TNRC6C: variants seen among roughly 807,000 people sequenced by gnomAD.
The protein encoded by TNRC6C is trinucleotide repeat-containing gene 6C protein.
A neutral mutation model predicts 153.7 loss-of-function variants in TNRC6C; 20 were observed. That is an observed-to-expected ratio of 0.13 (90% confidence interval 0.09 to 0.19). The LOEUF is 0.19. Among genes scored for constraint, TNRC6C ranks in the 10% least tolerant of loss-of-function variants. The probability of loss-of-function intolerance (pLI) is 1.00; values close to 1 mark genes in which losing one functional copy is unlikely to be tolerated. For missense variants in TNRC6C, 1,987 were observed against 2,172.0 expected (o/e 0.91, Z 1.69); for synonymous variants, 811 against 841.4 (o/e 0.96, Z 0.63).
At chr17:78,074,662 C>T (rs749423550) in intron 7 of TNRC6C, among the ~76,000 whole-genome samples, 6 of 152,170 alleles carry the variant, frequency 3.9e-5, no homozygotes, top group Non-Finnish European at 7.3e-5. Flanking sequence ...ATACAGGACT[C>T]GGTGAATGGA....
rs370632434 is a variant in TNRC6C at position 78,033,650 on chromosome 17, CAA to C, written c.-219+1809_-219+1810del. Among the ~76,000 whole-genome samples, 130 of 147,402 alleles carry C rather than the reference CAA, an allele frequency of 8.8e-4. 2 individuals carry two copies. Among genetic ancestry groups the C allele is most frequent in the African/African-American group, 2.8e-3 (112 of 39,664 alleles). ...CGCCATTGCACTCCAGCCTGGGTGA[CAA>C]GAGTGAAACTCCGTTTCAAAAAAAA... is the stretch of plus-strand genomic sequence containing the variant. On this transcript the variant is annotated intron_variant, in intron 2 of 19. Coordinates refer to ENST00000301624, the Ensembl canonical transcript of TNRC6C.
intron 1 of TNRC6C, among the ~76,000 whole-genome samples, chr17:77,963,578 C>T (rs1359754279): frequency 2.0e-5 from 3 of 152,154 alleles, no homozygotes; most frequent in African/African-American, 7.2e-5. Context: ...TGCATTCCTC[C>T]TCTGTAGCCT....
intron 1 of TNRC6C, among the ~76,000 whole-genome samples, chr17:77,986,815 G>T (rs2071176151): frequency 1.3e-5 from 2 of 152,064 alleles, no homozygotes; most frequent in Non-Finnish European, 2.9e-5. Context: ...GAGACAGGAA[G>T]GATCATTTAG....
chr17:78,081,654 A>G (rs548584434), intron 10 of TNRC6C, among the ~76,000 whole-genome samples: 125 of 152,164 alleles, frequency 8.2e-4, no homozygotes, highest in Non-Finnish European at 1.5e-3. Flanking sequence ...ACAGGGGAAA[A>G]GGCAGCACTA....
chr17:78,046,185 CTT>C (rs567181283), intron 2 of TNRC6C, among the ~76,000 whole-genome samples: 11 of 141,564 alleles, frequency 7.8e-5, no homozygotes, highest in Non-Finnish European at 9.3e-5. Flanking sequence ...TTTTAGGATT[CTT>C]TTTTTTTTTT....
At chr17:77,959,934 T>C (rs1316981519) in intron 1 of TNRC6C, among the ~76,000 whole-genome samples, 1 of 152,112 alleles carries the variant, frequency 6.6e-6, no homozygotes, top group Non-Finnish European at 1.5e-5. Context: ...GCTATGAAAA[T>C]GTGCAGATGT....
chr17:77,960,835 A>G (rs929612836), intron 1 of TNRC6C, among the ~76,000 whole-genome samples: 13 of 152,188 alleles, frequency 8.5e-5, no homozygotes, highest in Admixed American at 2.6e-4. Flanking sequence ...GTCGGAATTA[A>G]TTTTGTGTGT....
intron 1 of TNRC6C, among the ~76,000 whole-genome samples, chr17:77,968,385 A>G (rs114220159): frequency 0.015 from 2,237 of 151,232 alleles, 61 homozygotes; most frequent in African/African-American, 0.052. Flanking sequence ...TCTGTCGCCC[A>G]GACTAGAGTG....
At chr17:78,039,050 C>T (rs572587548) in intron 2 of TNRC6C, among the ~76,000 whole-genome samples, 1 of 152,298 alleles carries the variant, frequency 6.6e-6, no homozygotes, top group East Asian at 1.9e-4. Context: ...TCTTTACTGA[C>T]GACTGAATGC....
chr17:78,086,511 A>G (rs766274709), exon 12 of TNRC6C: 2 of 1,613,874 alleles, frequency 1.2e-6, no homozygotes, highest in Admixed American at 1.7e-5. Flanking sequence ...AGGCATACCA[A>G]CGTTTACAAA....
intron 3 of TNRC6C, among the ~76,000 whole-genome samples, chr17:78,058,452 GA>G (rs2072702069): frequency 6.6e-6 from 1 of 152,180 alleles, no homozygotes; most frequent in Non-Finnish European, 1.5e-5. Flanking sequence ...AGTTGGCTCT[GA>G]ATCTAACAAT....
chr17:78,035,637 C>CA (rs1174227204), intron 2 of TNRC6C, among the ~76,000 whole-genome samples: 2 of 151,972 alleles, frequency 1.3e-5, no homozygotes, highest in African/African-American at 2.4e-5. Context: ...AGACCTGTTT[C>CA]AAAAAAATAG....
At chr17:78,010,901 A>G (rs971255973) in intron 1 of TNRC6C, among the ~76,000 whole-genome samples, 4 of 152,262 alleles carry the variant, frequency 2.6e-5, no homozygotes, top group East Asian at 3.8e-4. Context: ...ACATGAACGT[A>G]TAAGTTCTTG....
At chr17:78,076,215 CAAAAAAAAAAAGAAAAA>C (rs1471103272) in intron 8 of TNRC6C, among the ~76,000 whole-genome samples, 1 of 103,642 alleles carries the variant, frequency 9.6e-6, no homozygotes, top group African/African-American at 3.5e-5. Flanking sequence ...TACTCTGTCT[CAAAAAAAAAAAGAAAAA>C]GAAAAAAAAA....
intron 1 of TNRC6C, among the ~76,000 whole-genome samples, chr17:77,969,169 C>G (rs2070921680): frequency 6.6e-6 from 1 of 152,196 alleles, no homozygotes; most frequent in Non-Finnish European, 1.5e-5. Context: ...GCCAGGTCAC[C>G]TAATTCCATT....
intron 11 of TNRC6C, among the ~76,000 whole-genome samples, chr17:78,086,072 C>G (rs946302534): frequency 6.6e-6 from 1 of 151,992 alleles, no homozygotes; most frequent in South Asian, 2.1e-4. Flanking sequence ...TGGCTCATGC[C>G]TGTAATCCCA....
At chr17:77,977,634 T>C (rs2071019206) in intron 1 of TNRC6C, among the ~76,000 whole-genome samples, 1 of 152,156 alleles carries the variant, frequency 6.6e-6, no homozygotes, top group African/African-American at 2.4e-5. Flanking sequence ...AAATTTTAAT[T>C]ATAAAAGAAT....
At position 78,009,576 on chromosome 17, in the gene TNRC6C, T is replaced by A. The variant is rs1267068022; in HGVS notation, c.-546+4497T>A. 3.9e-5 allele frequency among the ~76,000 whole-genome samples: 6 copies of A among 152,122 alleles called. No individual in the cohort carries two copies. The South Asian group carries it at 1.0e-3, about 26-fold the overall frequency. On this transcript the variant is annotated intron_variant, in intron 1 of 19. Coordinates refer to ENST00000301624, the Ensembl canonical transcript of TNRC6C. ...GAATTATGTTTTTGTTTTTTTGAGA[T>A]GGAGTTTTGCTCTTGTTGCCCAGGC... is the stretch of plus-strand genomic sequence containing the variant.
In TNRC6C at chr17:78,049,232, G is replaced by C; in HGVS notation, c.170G>C (p.Gly57Ala). 1 of 1,611,632 alleles carries C rather than the reference G, an allele frequency of 6.2e-7. No individual in the cohort carries two copies. Among genetic ancestry groups the C allele is most frequent in the Non-Finnish European group, 8.5e-7 (1 of 1,178,592 alleles). Residue 57 changes from glycine (G) to alanine (A), a missense_variant, in exon 3 of 20, where the codon GGC becomes GCC. Around this residue, in one of 4 missense-constraint regions of TNRC6C, gnomAD observed 1,052 missense variants for 1,017.0 expected, o/e 1.03. Transcript: ENST00000301624. This position sits in a 1 kb window ranked among gnomAD's most constrained non-coding sequence, Gnocchi z 4.1. ...GCCAGAGTGTGGGGTGTAGCCACAG[G>C]CTCCAGCTCTGGCCTGGCTCACTGC...
Sources: gnomAD v4.1 joint callset for allele counts (sites outside exome capture counted in the v4.1 genomes callset) on GRCh38, gnomAD v4.1.1 for gene constraint, gnomAD v4.1.1 regional missense constraint, Gnocchi (gnomAD v3.1) non-coding constraint, MANE v1.5 for transcripts, NCBI Gene and HGNC (gene_info 2026-07-23, HGNC 2026-07-21) for gene names.